Variants in CDHR5 observed in about 807,000 individuals in gnomAD.
The protein encoded by CDHR5 is cadherin related family member 5.
CDHR5 carries 82 observed loss-of-function variants against 69.5 expected under a neutral mutation model. The ratio of observed to expected loss-of-function variants is 1.18; its 90% CI spans 0.99 to 1.42. The LOEUF is 1.42. Ranked by LOEUF, CDHR5 falls within the 40% of genes most tolerant of loss-of-function variation. CDHR5 has a pLI of 0.00. For missense variants in CDHR5, 1,293 were observed against 1,168.9 expected (o/e 1.11, Z -1.55); for synonymous variants, 601 against 510.2 (o/e 1.18, Z -2.40).
Position 621,426 on chromosome 11 carries a change from A to G in CDHR5, c.537T>C (p.Ser179=). 6.2e-7 allele frequency: 1 copy of G among 1,612,778 alleles called. No homozygotes were observed. The highest frequency in any genetic ancestry group is 1.1e-5 in the South Asian group (1 of 91,084). The stretch of plus-strand genomic sequence containing the variant: ...CCAGCCTCAGGGCGGGACGGTTTAC[A>G]CTCACCAGGGAGAAGTAGTCACTGG... ...AGASDYFSLV[S]VNRPALRLDR... is the part of the protein sequence containing the mutation. The change falls in exon 6 of 15, where the codon AGT becomes AGC. Residue 179 remains serine (S), a synonymous_variant. Transcript: ENST00000397542. The surrounding 1 kb of genome is among the most constrained non-coding windows in gnomAD (Gnocchi z 4.4).
chr11:617,801 T>C, intron 14 of CDHR5, 31 bp from the exon 15 acceptor site: 1 of 1,448,372 alleles, frequency 6.9e-7, no homozygotes, highest in Non-Finnish European at 9.0e-7. Context: ...GTCAGCGGGG[T>C]CCCTGGGTCT....
At chr11:618,511 G>T in intron 13 of CDHR5, 88 bp downstream of exon 13, 2 of 1,485,308 alleles carry the variant, frequency 1.3e-6, no homozygotes, top group Non-Finnish European at 9.2e-7. Flanking sequence ...GTCAGGCCAG[G>T]TCAGCCTGGG....
In CDHR5 at chr11:617,643, G is replaced by C; in HGVS notation, c.2246C>G (p.Pro749Arg). Reference protein sequence around the residue: ...AEAPMPAEPAPPGPASPGGAP... With the variant: ...AEAPMPAEPARPGPASPGGAP... ...ACCGCCTGGGGAGGCAGGGCCGGGG[G>C]GTGCGGGCTCTGCGGGCATCGGTGC... The change falls in exon 15 of 15, where the codon CCC (proline) becomes CGC (arginine). Residue 749 changes from proline (P) to arginine (R), a missense_variant. By Grantham distance (103) the Pro-to-Arg change is moderately radical. Transcript: ENST00000397542. The C allele has an allele frequency of 6.4e-7, 1 of 1,560,124 alleles. No homozygotes were observed. Among genetic ancestry groups the C allele is most frequent in the Non-Finnish European group, 8.7e-7 (1 of 1,155,306 alleles).
Position 617,525 on chromosome 11 carries a change from G to C in CDHR5, c.2364C>G (p.Tyr788Ter), listed in dbSNP as rs1857008079. Residue 788 changes from tyrosine to a stop codon, truncating the protein, a stop_gained, in exon 15 of 15, where the codon TAC (tyrosine) becomes TAG (stop). Transcript: ENST00000397542. LOFTEE classifies it low-confidence loss of function (END_TRUNC). ...TGTCCTCGCCAAACCAGACAGCCTTGTACCCGCCCTCCGGCCGCCGCTCCT... is the reference window on the plus strand; with the variant it reads ...TGTCCTCGCCAAACCAGACAGCCTTCTACCCGCCCTCCGGCCGCCGCTCCT... ...LTKERRPEGG[Y>*]KAVWFGEDIG... 2 of 1,612,490 alleles carry C rather than the reference G, an allele frequency of 1.2e-6. No individual in the cohort carries two copies. The highest frequency in any genetic ancestry group is 1.1e-5 in the South Asian group (1 of 91,088).
chr11:624,093 G>A lies in CDHR5; in HGVS notation c.312+120C>T, dbSNP rs550298312. 5 of 659,230 alleles carry A rather than the reference G, an allele frequency of 7.6e-6. No individual in the cohort carries two copies. The highest frequency in any genetic ancestry group is 3.4e-5 in the South Asian group (2 of 58,890). 40.8% of individuals were successfully genotyped at this position (659,230 alleles called of 1,614,324 possible). A position where few individuals can be genotyped will look rare whatever the true frequency, so the allele number is the denominator to read the frequency against. The stretch of plus-strand genomic sequence containing the variant: ...TGGAGGAAATGTGGGCATCACCCTC[G>A]GGGGGGTGGAATTTGAAACCACACC... On this transcript the variant is annotated intron_variant, in intron 3 of 14. Transcript: ENST00000397542. This position sits in a 1 kb window ranked among gnomAD's most constrained non-coding sequence, Gnocchi z 5.3.
In CDHR5 at chr11:624,431, A is replaced by T. The variant is rs1857598484; in HGVS notation, c.261+126T>A. On this transcript the variant is annotated intron_variant, in intron 2 of 14. Coordinates refer to ENST00000397542, the MANE Select transcript of CDHR5 (RefSeq NM_021924.5). The surrounding 1 kb of genome is among the most constrained non-coding windows in gnomAD (Gnocchi z 5.3). ...GGCCCAGCCTTCTAGGGCAGGCACCACCAAGCATGGGTGTCAGTGGATGCC... is the reference window on the plus strand; with the variant it reads ...GGCCCAGCCTTCTAGGGCAGGCACCTCCAAGCATGGGTGTCAGTGGATGCC... 9.8e-7 allele frequency: 1 copy of T among 1,018,174 alleles called. No homozygotes were observed. The highest frequency in any genetic ancestry group is 1.6e-5 in the African/African-American group (1 of 63,256). The allele number at this position is 1,018,174 out of a possible 1,614,324, so 63.1% of individuals were successfully genotyped here.
intron 7 of CDHR5, among the ~76,000 whole-genome samples, 180 bp downstream of exon 7, chr11:620,900 A>G (rs1857332733): frequency 6.6e-6 from 1 of 152,082 alleles, no homozygotes; most frequent in Non-Finnish European, 1.5e-5. Flanking sequence ...TTGCTCCCTC[A>G]CCGCTCAAGA....
chr11:620,258 G>C (rs375815486), intron 8 of CDHR5, 38 bp downstream of exon 8: 203 of 1,587,304 alleles, frequency 1.3e-4, no homozygotes, highest in Middle Eastern at 1.7e-4. Flanking sequence ...AGGGACAGAG[G>C]GGGTACAGGG....
At chr11:617,904 C>T (rs776893242) in intron 14 of CDHR5, 50 bp downstream of exon 14, 1 of 1,584,290 alleles carries the variant, frequency 6.3e-7, no homozygotes, top group East Asian at 2.3e-5. Context: ...TGTCCCCCGT[C>T]CCCCACTTCC....
At position 621,099 on chromosome 11, in the gene CDHR5, A is replaced by G. The variant is rs1418952212; in HGVS notation, c.770T>C (p.Val257Ala). ...VCIQAQYHGA[V>A]PTGHILPSPL... ...CATTACCAGTATGTGCCCCGTGGGG[A>G]CAGCCCCGTGGTACTGAGCTTGAAT... is the stretch of plus-strand genomic sequence containing the variant. Residue 257 changes from valine (V) to alanine (A), a missense_variant, in exon 7 of 15, where the codon GTC becomes GCC. By Grantham distance (64) the Val-to-Ala change is moderately conservative. Transcript: ENST00000397542. The surrounding 1 kb of genome is among the most constrained non-coding windows in gnomAD (Gnocchi z 4.4). The G allele has an allele frequency of 1.1e-5, 17 of 1,548,414 alleles. No individual in the cohort carries two copies. Among genetic ancestry groups the G allele is most frequent in the African/African-American group, 2.7e-5 (2 of 73,108 alleles).
rs1165592035 is a variant in CDHR5 at position 617,253 on chromosome 11, G to C, written c.*98C>G. 1.5e-5 allele frequency: 15 copies of C among 993,596 alleles called. No individual in the cohort carries two copies. Among genetic ancestry groups the C allele is most frequent in the Non-Finnish European group, 2.1e-5 (14 of 670,056 alleles). The allele number at this position is 993,596 out of a possible 1,614,324, so 61.5% of individuals were successfully genotyped here. ...GCGCGCCTGCCCCACGCCATGGCCT[G>C]GGTTTCGGGAGCCTTGCTTTATTCT... On this transcript the variant is annotated 3_prime_UTR_variant, in exon 15 of 15. Transcript: ENST00000397542.
At chr11:620,959 G>T (rs552754838) in intron 7 of CDHR5, 121 bp downstream of exon 7, 5 of 690,574 alleles carry the variant, frequency 7.2e-6, no homozygotes, top group East Asian at 5.8e-5. Flanking sequence ...TCAAAATCAC[G>T]ACCGAAATCG....
Position 619,866 on chromosome 11 carries a change from G to T in CDHR5, c.994C>A (p.Leu332Ile). The change falls in exon 10 of 15, where the codon CTT becomes ATT. Residue 332 changes from leucine to isoleucine, a missense_variant. By Grantham distance (5) the Leu-to-Ile change is conservative (BLOSUM62 2). Transcript: ENST00000397542. ...LLLVKGQQADLARYSVTQVTV... is the reference protein window; with the variant it reads ...LLLVKGQQADIARYSVTQVTV... ...ACCTGGGTCACTGAGTAGCGGGCAA[G>T]GTCGGCCTGTTGGCCCTGGAGGCGG... 2 of 1,549,778 alleles carry T rather than the reference G, an allele frequency of 1.3e-6. No individual in the cohort carries two copies. Among genetic ancestry groups the T allele is most frequent in the Non-Finnish European group, 1.7e-6 (2 of 1,151,234 alleles).
rs2133221338 is a variant in CDHR5 at position 624,353 on chromosome 11, A to G, written c.262-90T>C. 1.4e-6 allele frequency: 1 copy of G among 733,456 alleles called. No individual in the cohort carries two copies. The allele number at this position is 733,456 out of a possible 1,614,324, so 45.4% of individuals were successfully genotyped here. On this transcript the variant is annotated intron_variant, in intron 2 of 14. Transcript: ENST00000397542. This position sits in a 1 kb window ranked among gnomAD's most constrained non-coding sequence, Gnocchi z 5.3. ...GGGCAGGCGCTGGCCCAGGGTCCCC[A>G]TCATCAGTGGTCAGTGCTGAGGGTG...
Position 617,729 on chromosome 11 carries a change from A to C in CDHR5, c.2160T>G (p.Pro720=), listed in dbSNP as rs1857041151. 6.8e-7 allele frequency: 1 copy of C among 1,459,898 alleles called. No homozygotes were observed. The highest frequency in any genetic ancestry group is 9.0e-7 in the Non-Finnish European group (1 of 1,114,188). The allele number at this position is 1,459,898 out of a possible 1,614,324, so 90.4% of individuals were successfully genotyped here. A position where few individuals can be genotyped will look rare whatever the true frequency, so the allele number is the denominator to read the frequency against. Residue 720 remains proline (P), a synonymous_variant, in exon 15 of 15, where the codon CCT becomes CCG. Coordinates refer to ENST00000397542, the MANE Select transcript of CDHR5 (RefSeq NM_021924.5). ...CGGGCGCCCAGTTGGCCTTGTGGTC[A>C]GGGAGGAACGCCTGGTTGTCAAAGC... ...PQGFDNQAFL[P]DHKANWAPVP...
At chr11:620,775 T>C (rs1857325725) in intron 7 of CDHR5, among the ~76,000 whole-genome samples, 1 of 152,010 alleles carries the variant, frequency 6.6e-6, no homozygotes, top group African/African-American at 2.4e-5. Context: ...GTGGTGACTG[T>C]GAGCAGGGCA....
rs1312029157 is a variant in CDHR5 at position 616,952 on chromosome 11, G to T, written c.*399C>A. The T allele has an allele frequency of 9.3e-6, 2 of 214,486 alleles. No homozygotes were observed. The highest frequency in any genetic ancestry group is 1.9e-5 in the Non-Finnish European group (2 of 106,492). The allele number at this position is 214,486 out of a possible 1,614,324, so 13.3% of individuals were successfully genotyped here. On this transcript the variant is annotated 3_prime_UTR_variant, in exon 15 of 15. Coordinates refer to ENST00000397542, the MANE Select transcript of CDHR5 (RefSeq NM_021924.5). ...CCCCAGGCAATCTCTGTGTAGGGTCGGGAGCGGGAGGTCTGAGATGAGCCG... is the reference window on the plus strand; with the variant it reads ...CCCCAGGCAATCTCTGTGTAGGGTCTGGAGCGGGAGGTCTGAGATGAGCCG...
rs1323659722 is a variant in CDHR5, at chr11:620,124, G to GC, written c.920dup (p.Asn308GlnfsTer126). The GC allele has an allele frequency of 6.2e-7, 1 of 1,613,642 alleles. No homozygotes were observed. Among genetic ancestry groups the GC allele is most frequent in the South Asian group, 1.1e-5 (1 of 91,034 alleles). ...GGACACTCCTGGCCACGGTGAGGTT[G>GC]CCCGAGTCTGGGTGGATGATGAATG... is the stretch of plus-strand genomic sequence containing the variant. On this transcript the variant is annotated frameshift_variant, in exon 9 of 15. Coordinates refer to ENST00000397542, the MANE Select transcript of CDHR5 (RefSeq NM_021924.5). LOFTEE classifies it high-confidence loss of function.
At position 621,007 on chromosome 11, in the gene CDHR5, T is replaced by C; in HGVS notation, c.789+73A>G. On this transcript the variant is annotated intron_variant, in intron 7 of 14. Coordinates refer to ENST00000397542, the MANE Select transcript of CDHR5 (RefSeq NM_021924.5). The surrounding 1 kb of genome is among the most constrained non-coding windows in gnomAD (Gnocchi z 4.4). ...GACCCCGACCCCGCCCTTCCTCTCCTGATCCTGGCCGTCCCTGTGTCCAGC... is the reference window on the plus strand; with the variant it reads ...GACCCCGACCCCGCCCTTCCTCTCCCGATCCTGGCCGTCCCTGTGTCCAGC... 3 of 624,546 alleles carry C rather than the reference T, an allele frequency of 4.8e-6. No individual in the cohort carries two copies. The allele number at this position is 624,546 out of a possible 1,614,324, so 38.7% of individuals were successfully genotyped here. A position where few individuals can be genotyped will look rare whatever the true frequency, so the allele number is the denominator to read the frequency against.
Sources: gnomAD v4.1 joint callset for allele counts (sites outside exome capture counted in the v4.1 genomes callset) on GRCh38, gnomAD v4.1.1 for gene constraint, Gnocchi (gnomAD v3.1) non-coding constraint, MANE v1.5 for transcripts, NCBI Gene and HGNC (gene_info 2026-07-23, HGNC 2026-07-21) for gene names.